Variants in RSRC1 observed in about 807,000 individuals in gnomAD.
RSRC1 encodes the protein serine/Arginine-related protein 53.
In RSRC1, 39 loss-of-function variants were observed where a neutral mutation model predicts 49.1. The observed-to-expected ratio is 0.79, with a 90% CI of 0.61 to 1.04. The LOEUF (loss-of-function observed/expected upper bound fraction) is 1.04, where lower values mean the gene tolerates loss of function less well. RSRC1 is among the 50% of genes least tolerant of loss of function. RSRC1 has a pLI of 0.00. For synonymous variants in RSRC1, 143 were observed against 130.8 expected (o/e 1.09, Z -0.63); for missense variants, 388 against 402.4 (o/e 0.96, Z 0.31).
intron 3 of RSRC1, among the ~76,000 whole-genome samples, chr3:158,200,422 A>G (rs1720976327): frequency 6.6e-6 from 1 of 152,300 alleles, no homozygotes; most frequent in African/African-American, 2.4e-5. Context: ...TTTAGATGGC[A>G]TACAGTATTG....
chr3:158,294,025 A>G (rs1242725141), intron 4 of RSRC1, among the ~76,000 whole-genome samples: 1 of 152,060 alleles, frequency 6.6e-6, no homozygotes, highest in African/African-American at 2.4e-5. Context: ...ACATCCTTTC[A>G]GCACTCTATG....
intron 7 of RSRC1, among the ~76,000 whole-genome samples, chr3:158,496,106 G>A (rs1560065295): frequency 6.6e-6 from 1 of 151,954 alleles, no homozygotes; most frequent in Non-Finnish European, 1.5e-5. Context: ...TTTTTGCCCT[G>A]CATATTAAAA....
Position 158,340,506 on chromosome 3 carries a change from A to G in RSRC1, c.532-14351A>G, listed in dbSNP as rs138816371. Among the ~76,000 whole-genome samples, 164 of 152,202 alleles carry G rather than the reference A, an allele frequency of 1.1e-3. 5 individuals carry two copies. In the East Asian group the frequency reaches 0.029, roughly 27 times the overall value. ...CAGTGAGCTGAGATCACACCACTGC[A>G]CTCCAGCCTGGGCGACAGAGCAAGA... On this transcript the variant is annotated intron_variant, in intron 5 of 9. Coordinates refer to ENST00000611884, the MANE Select transcript of RSRC1 (RefSeq NM_001271838.2).
intron 8 of RSRC1, 108 bp from the exon 9 acceptor site, chr3:158,543,227 A>T (rs911744988): frequency 1.1e-6 from 1 of 889,888 alleles, no homozygotes; most frequent in Non-Finnish European, 1.5e-6. Context: ...GATGGGTATC[A>T]TCTCAAAGGA....
intron 7 of RSRC1, among the ~76,000 whole-genome samples, chr3:158,518,148 A>ATATTTTT (rs1310027981): frequency 2.3e-5 from 1 of 44,142 alleles, no homozygotes; most frequent in African/African-American, 1.5e-4. Context: ...ATATATATAT[A>ATATTTTT]TTTTTTTTTT....
At chr3:158,280,327 A>G (rs1726069554) in intron 4 of RSRC1, among the ~76,000 whole-genome samples, 1 of 152,158 alleles carries the variant, frequency 6.6e-6, no homozygotes, top group Non-Finnish European at 1.5e-5. Context: ...AGGTCCCTGT[A>G]TTAACTTCTG....
intron 6 of RSRC1, among the ~76,000 whole-genome samples, chr3:158,392,893 T>C (rs1733397526): frequency 6.6e-6 from 1 of 152,036 alleles, no homozygotes. Context: ...CTCATCTGCA[T>C]ATGGCACATA....
intron 3 of RSRC1, among the ~76,000 whole-genome samples, chr3:158,127,758 T>TG (rs1715725511): frequency 5.6e-5 from 1 of 18,002 alleles, no homozygotes; most frequent in Non-Finnish European, 1.1e-4. Context: ...GCTTTGTGGT[T>TG]TTTTTTTTTT....
intron 6 of RSRC1, among the ~76,000 whole-genome samples, chr3:158,416,805 AG>A (rs1339068203): frequency 1.3e-5 from 2 of 152,188 alleles, no homozygotes; most frequent in Admixed American, 1.3e-4. Context: ...TCATAGTAAC[AG>A]TTTTAAGGAA....
chr3:158,237,177 A>T (rs1723291786), intron 4 of RSRC1, among the ~76,000 whole-genome samples: 1 of 152,218 alleles, frequency 6.6e-6, no homozygotes, highest in African/African-American at 2.4e-5. Context: ...CTTTGAGGCT[A>T]TTATGACAAA....
At chr3:158,180,419 C>CGTGTGTGTGTGTGTGTGTGTGT in intron 3 of RSRC1, among the ~76,000 whole-genome samples, 1 of 40,776 alleles carries the variant, frequency 2.5e-5, no homozygotes, top group East Asian at 8.0e-4. Context: ...TTTTTTTTGC[C>CGTGTGTGTGTGTGTGTGTGTGT]GTGTGTGTGT....
intron 6 of RSRC1, among the ~76,000 whole-genome samples, chr3:158,434,571 CAGA>C (rs1735944153): frequency 6.6e-6 from 1 of 151,956 alleles, no homozygotes. Context: ...TTCCAACAGA[CAGA>C]AGAAGCAGAC....
chr3:158,279,973 C>T (rs1259432355), intron 4 of RSRC1, among the ~76,000 whole-genome samples: 2 of 152,112 alleles, frequency 1.3e-5, no homozygotes, highest in East Asian at 1.9e-4. Context: ...CTGTGTATAC[C>T]ATGGTATCAG....
chr3:158,543,823 A>C (rs911826180), intron 9 of RSRC1: 19 of 289,668 alleles, frequency 6.6e-5, no homozygotes, highest in African/African-American at 4.2e-4. Flanking sequence ...TAAAAGTTCC[A>C]TTTCTGAGCT....
rs145823437 is a variant in RSRC1, at chr3:158,313,022, G to A, written c.531+14947G>A. On this transcript the variant is annotated intron_variant, in intron 5 of 9. Coordinates refer to ENST00000611884, the MANE Select transcript of RSRC1 (RefSeq NM_001271838.2). The stretch of plus-strand genomic sequence containing the variant: ...TTCTGAGTCATACTTTCCACATTAT[G>A]CTTTTATGCTATTTCTTATATTCTA... 2.0e-4 allele frequency among the ~76,000 whole-genome samples: 30 copies of A among 152,138 alleles called. No homozygotes were observed. The East Asian group carries it at 5.2e-3, about 26-fold the overall frequency.
At chr3:158,365,019 G>GT (rs1244866545) in intron 6 of RSRC1, among the ~76,000 whole-genome samples, 1 of 152,012 alleles carries the variant, frequency 6.6e-6, no homozygotes, top group Non-Finnish European at 1.5e-5. Context: ...AGTAGGAGTA[G>GT]TTTTTTATGT....
intron 1 of RSRC1, among the ~76,000 whole-genome samples, chr3:158,111,360 T>C (rs1374022321): frequency 1.3e-5 from 2 of 152,274 alleles, no homozygotes; most frequent in African/African-American, 4.8e-5. Flanking sequence ...AGCTGGCACC[T>C]TCTGTTAATT....
At position 158,516,743 on chromosome 3, in the gene RSRC1, G is replaced by T. The variant is rs573836680; in HGVS notation, c.653-20349G>T. Among the ~76,000 whole-genome samples the T allele has an allele frequency of 1.9e-3, 286 of 152,342 alleles. 1 individual carries two copies. Among genetic ancestry groups the T allele is most frequent in the African/African-American group, 6.7e-3 (279 of 41,584 alleles). On this transcript the variant is annotated intron_variant, in intron 7 of 9. Transcript: ENST00000611884. Reference sequence around the variant, plus strand: ...TCTCAGACTGCTGTGCTAGCAATCAGCGAGACTCCGTGGGCGTAGGGCCCT... The same window carrying T: ...TCTCAGACTGCTGTGCTAGCAATCATCGAGACTCCGTGGGCGTAGGGCCCT...
chr3:158,343,881 C>A (rs1031658526), intron 5 of RSRC1, among the ~76,000 whole-genome samples: 5 of 151,976 alleles, frequency 3.3e-5, no homozygotes, highest in African/African-American at 1.2e-4. Flanking sequence ...AAGGAAGCAG[C>A]AGAAAAAGAG....
Sources: allele counts gnomAD v4.1 joint callset (sites outside exome capture counted in the v4.1 genomes callset), GRCh38; gene constraint gnomAD v4.1.1; transcripts MANE v1.5; gene names NCBI Gene and HGNC (gene_info 2026-07-23, HGNC 2026-07-21).